Variants in STK10 observed in about 807,000 individuals in gnomAD.
STK10 encodes serine/threonine-protein kinase 10.
STK10 carries 78 observed loss-of-function variants against 113.8 expected under a neutral mutation model. That is an observed-to-expected ratio of 0.69 (90% CI 0.57 to 0.83). The LOEUF (loss-of-function observed/expected upper bound fraction) is 0.83, where lower values mean the gene tolerates loss of function less well. Among genes scored for constraint, STK10 ranks in the 40% least tolerant of loss-of-function variants. STK10 has a pLI of 0.00. For synonymous variants in STK10, 465 were observed against 494.7 expected (o/e 0.94, Z 0.80); for missense variants, 1,109 against 1,280.1 (o/e 0.87, Z 2.04).
At chr5:172,053,136 G>C (rs1418843771) in intron 17 of STK10, 94 bp from the exon 18 acceptor site, 3 of 892,266 alleles carry the variant, frequency 3.4e-6, no homozygotes, top group African/African-American at 1.7e-5. Context: ...GAGGGCACCA[G>C]CATCGTTCAT....
chr5:172,114,583 C>T (rs1282130940), intron 4 of STK10: 2 of 144,628 alleles, frequency 1.4e-5, no homozygotes, highest in Non-Finnish European at 3.0e-5. Flanking sequence ...CCCGGGTTCA[C>T]GCCATTCTCC....
In STK10 at chr5:172,184,033, G is replaced by T. The variant is rs143728366; in HGVS notation, c.156+3854C>A. ...ACTGTGACAAACTCAGACTTCCAAG[G>T]CCCAGAAAGACCTCAGGAAGCCTTC... On this transcript the variant is annotated intron_variant, in intron 1 of 18. Coordinates refer to ENST00000176763, the MANE Select transcript of STK10 (RefSeq NM_005990.4). Among the ~76,000 whole-genome samples, 7 of 152,216 alleles carry T rather than the reference G, an allele frequency of 4.6e-5. No individual in the cohort carries two copies. The East Asian group carries it at 1.3e-3, about 29-fold the overall frequency.
intron 2 of STK10, among the ~76,000 whole-genome samples, chr5:172,154,819 T>G (rs913802259): frequency 2.6e-5 from 4 of 152,286 alleles, no homozygotes; most frequent in African/African-American, 9.6e-5. Context: ...GCTTTTTTGT[T>G]TCTCATTTTC....
intron 2 of STK10, among the ~76,000 whole-genome samples, chr5:172,153,090 C>G (rs1226210140): frequency 2.0e-5 from 3 of 151,956 alleles, no homozygotes; most frequent in Non-Finnish European, 4.4e-5. Flanking sequence ...AGTTCAAGAC[C>G]AGCCTGACCA....
intron 13 of STK10, chr5:172,063,641 C>G (rs998990225): frequency 7.3e-5 from 11 of 151,242 alleles, no homozygotes; most frequent in Non-Finnish European, 1.5e-4. Flanking sequence ...GTCCTGCGTT[C>G]TCTTCCTAAT....
intron 3 of STK10, 39 bp downstream of exon 3, chr5:172,127,334 G>T (rs1178917175): frequency 6.2e-7 from 1 of 1,612,368 alleles, no homozygotes; most frequent in Non-Finnish European, 8.5e-7. Context: ...CAAACGAGTC[G>T]TCTGGTCCCG....
At chr5:172,058,373 C>T (rs1317197999) in intron 14 of STK10, among the ~76,000 whole-genome samples, 1 of 152,170 alleles carries the variant, frequency 6.6e-6, no homozygotes, top group Non-Finnish European at 1.5e-5. Flanking sequence ...ATATTGAAAA[C>T]TCAAGAACCC....
chr5:172,159,597 G>A (rs113476627), intron 1 of STK10, among the ~76,000 whole-genome samples: 145 of 151,684 alleles, frequency 9.6e-4, no homozygotes, highest in Non-Finnish European at 1.3e-3. Flanking sequence ...CGAGACAGGC[G>A]GATTGCCTGA....
intron 1 of STK10, among the ~76,000 whole-genome samples, chr5:172,159,529 A>G (rs187650841): frequency 2.0e-5 from 3 of 152,196 alleles, no homozygotes; most frequent in East Asian, 3.9e-4. Context: ...GTGACAGGAA[A>G]AAAAGAAAAC....
intron 3 of STK10, among the ~76,000 whole-genome samples, chr5:172,119,505 C>T (rs1003052858): frequency 3.3e-5 from 5 of 152,062 alleles, no homozygotes; most frequent in African/African-American, 7.3e-5. Flanking sequence ...CACTTGAGGC[C>T]AGGAGTTCAA....
At chr5:172,132,591 C>T (rs1009287386) in intron 2 of STK10, among the ~76,000 whole-genome samples, 2 of 152,104 alleles carry the variant, frequency 1.3e-5, no homozygotes, top group African/African-American at 4.8e-5. Flanking sequence ...GCTAAAAGGA[C>T]GGATTCCCTG....
chr5:172,071,265 C>A (rs1399002188), intron 12 of STK10, among the ~76,000 whole-genome samples: 3 of 117,842 alleles, frequency 2.5e-5, no homozygotes, highest in Non-Finnish European at 5.2e-5. Flanking sequence ...CATTGGAAGG[C>A]CATGTAACAA....
intron 12 of STK10, among the ~76,000 whole-genome samples, chr5:172,073,796 A>C (rs1768249851): frequency 6.8e-6 from 1 of 146,616 alleles, no homozygotes; most frequent in African/African-American, 2.5e-5. Context: ...AAAATAGCAA[A>C]AAAAAAAAAA....
rs557224748 is a variant in STK10 at position 172,138,740 on chromosome 5, C to T, written c.322-11319G>A. On this transcript the variant is annotated intron_variant, in intron 2 of 18. Transcript: ENST00000176763. ...AAAAAAATTAAAGATTGGCCAGGCG[C>T]GGTGGCTCACACCTGTAATCCCAGC... 2.1e-4 allele frequency among the ~76,000 whole-genome samples: 32 copies of T among 152,184 alleles called. No individual in the cohort carries two copies. In the East Asian group the frequency reaches 2.1e-3, roughly 10 times the overall value.
chr5:172,176,884 G>A (rs539895242), intron 1 of STK10, among the ~76,000 whole-genome samples: 1 of 152,206 alleles, frequency 6.6e-6, no homozygotes, highest in South Asian at 2.1e-4. Context: ...TTGTAAAACA[G>A]ACCCCAGAGG....
At chr5:172,053,118 G>T in intron 17 of STK10, 76 bp from the exon 18 acceptor site, 1 of 1,149,418 alleles carries the variant, frequency 8.7e-7, no homozygotes, top group Non-Finnish European at 1.3e-6. Flanking sequence ...ACCTCACGCT[G>T]TGGCTACGAG....
intron 1 of STK10, among the ~76,000 whole-genome samples, chr5:172,163,238 GT>G (rs1303988607): frequency 6.6e-6 from 1 of 152,162 alleles, no homozygotes; most frequent in Non-Finnish European, 1.5e-5. Context: ...ATTATTGCCA[GT>G]TTACAGATGA....
intron 2 of STK10, among the ~76,000 whole-genome samples, chr5:172,127,786 C>G (rs1437767319): frequency 6.6e-6 from 1 of 152,224 alleles, no homozygotes; most frequent in Admixed American, 6.5e-5. Flanking sequence ...CTATGCTCCA[C>G]AGCCAAGAAC....
chr5:172,118,352 G>A (rs1445466152), intron 3 of STK10, among the ~76,000 whole-genome samples: 2 of 152,176 alleles, frequency 1.3e-5, no homozygotes, highest in Non-Finnish European at 2.9e-5. Context: ...TCTGTGCTTG[G>A]AGCAGGAAGG....
Sources: gnomAD v4.1 joint callset for allele counts (sites outside exome capture counted in the v4.1 genomes callset) on GRCh38, gnomAD v4.1.1 for gene constraint, MANE v1.5 for transcripts, NCBI Gene and HGNC (gene_info 2026-07-23, HGNC 2026-07-21) for gene names.